CADPS: variants seen among roughly 807,000 people sequenced by gnomAD.
The protein encoded by CADPS is calcium dependent secretion activator, also known as calcium-dependent secretion activator 1.
Under a neutral mutation model 167.3 loss-of-function variants are expected in CADPS, and 57 were observed. The ratio of observed to expected loss-of-function variants is 0.34; its 90% CI spans 0.28 to 0.42. The LOEUF is 0.42. Among genes scored for constraint, CADPS ranks in the 20% least tolerant of loss-of-function variants. CADPS has a pLI of 1.00. For synonymous variants in CADPS, 676 were observed against 635.3 expected (o/e 1.06, Z -0.96); for missense variants, 1,414 against 1,738.1 (o/e 0.81, Z 3.32).
chr3:62,594,857 T>A (rs1201452463), intron 6 of CADPS, among the ~76,000 whole-genome samples: 1 of 152,200 alleles, frequency 6.6e-6, no homozygotes, highest in East Asian at 1.9e-4. Context: ...GCAGTGACTA[T>A]CCTGCCACCA....
At chr3:62,846,820 C>G (rs116639716) in intron 1 of CADPS, among the ~76,000 whole-genome samples, 1 of 151,976 alleles carries the variant, frequency 6.6e-6, no homozygotes, top group Non-Finnish European at 1.5e-5. Context: ...ACTGCCACCA[C>G]GCCTCTACTA....
intron 5 of CADPS, among the ~76,000 whole-genome samples, chr3:62,646,704 C>CGTT (rs1194046894): frequency 4.6e-5 from 7 of 152,144 alleles, no homozygotes. Flanking sequence ...AGTTACAACC[C>CGTT]GTTGTTGCCT....
chr3:62,499,759 G>C (rs1300371211), intron 17 of CADPS: 1 of 153,526 alleles, frequency 6.5e-6, no homozygotes, highest in East Asian at 1.9e-4. Context: ...AGATTCAAAT[G>C]TCTGCTTCAA....
chr3:62,588,496 A>C (rs1385690519), intron 7 of CADPS, among the ~76,000 whole-genome samples: 2 of 152,072 alleles, frequency 1.3e-5, no homozygotes, highest in African/African-American at 2.4e-5. Flanking sequence ...GGATGCAGGA[A>C]AACAGGCATT....
rs576503015 is a variant in CADPS at position 62,824,806 on chromosome 3, A to G, written c.441+49783T>C. Among the ~76,000 whole-genome samples the G allele has an allele frequency of 2.0e-5, 3 of 152,280 alleles. No homozygotes were observed. In the South Asian group the frequency reaches 6.2e-4, roughly 32 times the overall value. Reference sequence around the variant, plus strand: ...TGAAATATTTTAATTTGCCTCTCTAATGAGAGGTTCTTTGCAGTTCTTCTA... The same window carrying G: ...TGAAATATTTTAATTTGCCTCTCTAGTGAGAGGTTCTTTGCAGTTCTTCTA... On this transcript the variant is annotated intron_variant, in intron 1 of 29. Coordinates refer to ENST00000383710, the MANE Select transcript of CADPS (RefSeq NM_003716.4).
intron 1 of CADPS, among the ~76,000 whole-genome samples, chr3:62,862,940 T>C (rs2081068905): frequency 6.6e-6 from 1 of 152,190 alleles, no homozygotes; most frequent in Non-Finnish European, 1.5e-5. Context: ...AATTTATAAC[T>C]CGTCTCACAT....
Position 62,796,955 on chromosome 3 carries a change from G to T in CADPS, c.442-30971C>A, listed in dbSNP as rs76470069. On this transcript the variant is annotated intron_variant, in intron 1 of 29. Coordinates refer to ENST00000383710, the MANE Select transcript of CADPS (RefSeq NM_003716.4). ...AATTAAATAAATGCTAGAATATTGC[G>T]AAGCTTAAGTCCTTATTTTTCTTAA... Among the ~76,000 whole-genome samples, 1,471 of 152,190 alleles carry T rather than the reference G, an allele frequency of 9.7e-3. 24 individuals carry two copies. Among genetic ancestry groups the T allele is most frequent in the African/African-American group, 0.033 (1,371 of 41,514 alleles).
chr3:62,477,277 T>C (rs1206457048), intron 23 of CADPS, among the ~76,000 whole-genome samples: 1 of 150,610 alleles, frequency 6.6e-6, no homozygotes, highest in Non-Finnish European at 1.5e-5. Context: ...ACACAACATC[T>C]GGAGATTTGG....
At chr3:62,676,850 A>G (rs2076412019) in intron 3 of CADPS, among the ~76,000 whole-genome samples, 1 of 152,156 alleles carries the variant, frequency 6.6e-6, no homozygotes, top group Admixed American at 6.5e-5. Flanking sequence ...TTTAGAGTCA[A>G]CACATGCAGC....
At chr3:62,557,773 A>G (rs2078421054) in intron 9 of CADPS, among the ~76,000 whole-genome samples, 1 of 152,160 alleles carries the variant, frequency 6.6e-6, no homozygotes, top group Non-Finnish European at 1.5e-5. Flanking sequence ...TGGGGAATGC[A>G]CTTACAGTCT....
chr3:62,584,363 T>C (rs1197643750), intron 8 of CADPS, among the ~76,000 whole-genome samples: 1 of 152,100 alleles, frequency 6.6e-6, no homozygotes, highest in African/African-American at 2.4e-5. Flanking sequence ...TCAATATACA[T>C]ATACCCAAAA....
chr3:62,612,436 CCAACCT>C (rs2061628966), intron 6 of CADPS, among the ~76,000 whole-genome samples: 1 of 152,166 alleles, frequency 6.6e-6, no homozygotes, highest in African/African-American at 2.4e-5. Context: ...CTCCAGCTGC[CCAACCT>C]CAATGGACTC....
intron 3 of CADPS, among the ~76,000 whole-genome samples, chr3:62,740,525 A>G (rs971103961): frequency 6.6e-6 from 1 of 152,228 alleles, no homozygotes; most frequent in African/African-American, 2.4e-5. Flanking sequence ...GTAAAAGAAG[A>G]TACCAGACAT....
chr3:62,508,872 T>C (rs1452080), intron 17 of CADPS, among the ~76,000 whole-genome samples: 4,429 of 152,246 alleles, frequency 0.029, 77 homozygotes, highest in East Asian at 0.057. Flanking sequence ...TCCTTTTTTT[T>C]CCCAAAATCT....
intron 5 of CADPS, among the ~76,000 whole-genome samples, chr3:62,649,996 C>T (rs368868744): frequency 4.5e-4 from 68 of 152,204 alleles, no homozygotes; most frequent in African/African-American, 1.3e-3. Context: ...TTAACATTTA[C>T]GTTGTTTCCA....
chr3:62,565,453 G>A (rs2079973464), intron 9 of CADPS, among the ~76,000 whole-genome samples: 1 of 152,100 alleles, frequency 6.6e-6, no homozygotes, highest in Non-Finnish European at 1.5e-5. Flanking sequence ...TCCAAGGGTG[G>A]CCTTTGGACC....
intron 28 of CADPS, among the ~76,000 whole-genome samples, chr3:62,419,444 T>C (rs144780994): frequency 6.6e-4 from 100 of 152,296 alleles, no homozygotes; most frequent in African/African-American, 2.3e-3. Flanking sequence ...AGAAAATGTA[T>C]AGTTACAATC....
chr3:62,717,977 C>T (rs774379004), intron 3 of CADPS, among the ~76,000 whole-genome samples: 5 of 152,144 alleles, frequency 3.3e-5, no homozygotes, highest in East Asian at 1.9e-4. Context: ...ATCTAGCTCA[C>T]GGCTGCCTCC....
At chr3:62,481,670 C>T in intron 22 of CADPS, 53 bp downstream of exon 22, 1 of 1,485,944 alleles carries the variant, frequency 6.7e-7, no homozygotes, top group Non-Finnish European at 9.1e-7. Flanking sequence ...AATACATATC[C>T]ATGCCAAGAT....
Sources: gnomAD v4.1 joint callset for allele counts (sites outside exome capture counted in the v4.1 genomes callset) on GRCh38, gnomAD v4.1.1 for gene constraint, MANE v1.5 for transcripts, NCBI Gene and HGNC (gene_info 2026-07-23, HGNC 2026-07-21) for gene names.